CLXN: variants seen among roughly 807,000 people sequenced by gnomAD.
The protein encoded by CLXN is calaxin.
chr8:48,731,095 T>A, the CLXN span, among the ~76,000 whole-genome samples: 1 of 152,184 alleles, frequency 6.6e-6, no homozygotes, highest in Non-Finnish European at 1.5e-5. Flanking sequence ...TAAGTGGAAA[T>A]CGAAATGTTT....
the CLXN span, chr8:48,731,328 G>C: frequency 6.4e-7 from 1 of 1,560,080 alleles, no homozygotes; most frequent in Non-Finnish European, 8.7e-7. Context: ...TGGCTAATTT[G>C]AATCTTGTGT....
At chr8:48,729,130 C>T in the CLXN span, 1 of 1,613,030 alleles carries the variant, frequency 6.2e-7, no homozygotes. Context: ...AGACAGCTTC[C>T]CATCATGGTC....
chr8:48,732,113 G>A, the CLXN span, among the ~76,000 whole-genome samples: 21 of 152,194 alleles, frequency 1.4e-4, no homozygotes, highest in Admixed American at 9.2e-4. Flanking sequence ...TTTATTTAAA[G>A]GATATACACA....
At chr8:48,730,878 T>C in the CLXN span, among the ~76,000 whole-genome samples, 1 of 152,188 alleles carries the variant, frequency 6.6e-6, no homozygotes, top group African/African-American at 2.4e-5. Flanking sequence ...AATGTCTAAG[T>C]ATATTAATCA....
chr8:48,730,678 C>T, the CLXN span: 3 of 1,333,104 alleles, frequency 2.3e-6, no homozygotes, highest in African/African-American at 2.9e-5. Context: ...AACACCTGTC[C>T]TGCATAATAA....
At chr8:48,734,970 G>A in the CLXN span, 12 of 1,100,404 alleles carry the variant, frequency 1.1e-5, no homozygotes, top group Non-Finnish European at 7.9e-6. Flanking sequence ...GGGGTGGAGG[G>A]GCGGTAGGTA....
chr8:48,718,437 G>A, the CLXN span, among the ~76,000 whole-genome samples: 1 of 152,072 alleles, frequency 6.6e-6, no homozygotes, highest in Admixed American at 6.5e-5. Flanking sequence ...TCAGTAAACA[G>A]ATGACTTGCG....
At chr8:48,723,239 C>A in the CLXN span, among the ~76,000 whole-genome samples, 8 of 152,086 alleles carry the variant, frequency 5.3e-5, no homozygotes, top group Admixed American at 2.6e-4. Context: ...ATAAAAACAT[C>A]AAGTTGTATA....
At chr8:48,724,540 C>A in the CLXN span, 1 of 421,244 alleles carries the variant, frequency 2.4e-6, no homozygotes, top group Non-Finnish European at 4.2e-6. Context: ...CTTGCCAAAC[C>A]CATCATCTAA....
chr8:48,725,417 G>C, the CLXN span, among the ~76,000 whole-genome samples: 1 of 152,216 alleles, frequency 6.6e-6, no homozygotes, highest in African/African-American at 2.4e-5. Context: ...GAAGTAATAA[G>C]TGTGAAATTA....
At chr8:48,729,351 C>A in the CLXN span, among the ~76,000 whole-genome samples, 3 of 151,578 alleles carry the variant, frequency 2.0e-5, no homozygotes, top group African/African-American at 7.3e-5. Flanking sequence ...ATAGTGAGAC[C>A]TCATCTCTAT....
the CLXN span, chr8:48,731,297 T>C: frequency 6.6e-7 from 1 of 1,520,220 alleles, no homozygotes; most frequent in Non-Finnish European, 8.8e-7. Flanking sequence ...AAACCCTTTT[T>C]TTTTCAGTTA....
At chr8:48,730,487 T>G in the CLXN span, 3 of 1,242,586 alleles carry the variant, frequency 2.4e-6, no homozygotes, top group Non-Finnish European at 3.4e-6. Flanking sequence ...ATTTAAGTGC[T>G]TTAGATATGT....
At chr8:48,721,959 AAATCTGCAAAGAAAAGGAAAT>A in the CLXN span, among the ~76,000 whole-genome samples, 2 of 152,232 alleles carry the variant, frequency 1.3e-5, no homozygotes, top group African/African-American at 4.8e-5. Context: ...ACTTAAAAAC[AAATCTGCAAAGAAAAGGAAAT>A]AATCAACAGT....
chr8:48,721,905 G>A, the CLXN span, among the ~76,000 whole-genome samples: 4 of 152,122 alleles, frequency 2.6e-5, no homozygotes, highest in African/African-American at 9.7e-5. Context: ...TTTTGGATAT[G>A]ATGACAAAAA....
chr8:48,729,095 T>C, the CLXN span: 2 of 1,613,614 alleles, frequency 1.2e-6, no homozygotes, highest in Non-Finnish European at 1.7e-6. Context: ...GTCTCTTCTC[T>C]CACAGCCAGT....
At chr8:48,735,252 G>T in the CLXN span, 1 of 1,348,644 alleles carries the variant, frequency 7.4e-7, no homozygotes. Context: ...GGTCAACGCG[G>T]TGAGGTCTCA....
At chr8:48,726,874 T>A in the CLXN span, among the ~76,000 whole-genome samples, 112 of 96,938 alleles carry the variant, frequency 1.2e-3, 1 homozygote, top group African/African-American at 3.5e-4. Context: ...TCTATCAATC[T>A]ATCTATCTAT....
chr8:48,733,525 T>G, the CLXN span, among the ~76,000 whole-genome samples: 7 of 152,232 alleles, frequency 4.6e-5, no homozygotes, highest in African/African-American at 1.7e-4. Flanking sequence ...CATTGAATCT[T>G]GATAGCTTTA....
Sources: allele counts gnomAD v4.1 joint callset (sites outside exome capture counted in the v4.1 genomes callset), GRCh38; gene constraint gnomAD v4.1.1; transcripts MANE v1.5; gene names NCBI Gene and HGNC (gene_info 2026-07-23, HGNC 2026-07-21).